The following MINPP1 variants were observed in gnomAD, a reference collection of about 807,000 sequenced individuals.
The protein encoded by MINPP1 is multiple inositol polyphosphate phosphatase 1.
A neutral mutation model predicts 46.1 loss-of-function variants in MINPP1; 28 were observed. The ratio of observed to expected loss-of-function variants is 0.61; its 90% confidence interval spans 0.45 to 0.83. The LOEUF (loss-of-function observed/expected upper bound fraction) is 0.83, where lower values mean the gene tolerates loss of function less well. Ranked by LOEUF, MINPP1 falls within the 40% of genes least tolerant of loss-of-function variation. MINPP1 has a pLI of 0.00. For missense variants in MINPP1, 603 were observed against 610.0 expected (o/e 0.99, Z 0.12); for synonymous variants, 268 against 249.1 (o/e 1.08, Z -0.72).
intron 4 of MINPP1, among the ~76,000 whole-genome samples, chr10:87,543,049 T>C (rs2131839042): frequency 6.6e-6 from 1 of 152,284 alleles, no homozygotes; most frequent in East Asian, 1.9e-4. Flanking sequence ...AGGTTCCAGA[T>C]GGAAGTGAGG....
chr10:87,509,264 A>G (rs1398074666), intron 2 of MINPP1, among the ~76,000 whole-genome samples: 1 of 152,082 alleles, frequency 6.6e-6, no homozygotes, highest in Non-Finnish European at 1.5e-5. Flanking sequence ...AGATTACATT[A>G]TACTCTGAAT....
At chr10:87,512,916 T>C (rs1851356289) in intron 2 of MINPP1, among the ~76,000 whole-genome samples, 1 of 152,204 alleles carries the variant, frequency 6.6e-6, no homozygotes, top group African/African-American at 2.4e-5. Context: ...CATGGTTTCT[T>C]CCTGATAGTT....
At chr10:87,528,011 T>G (rs1308793402) in intron 4 of MINPP1, among the ~76,000 whole-genome samples, 1 of 152,238 alleles carries the variant, frequency 6.6e-6, no homozygotes, top group Non-Finnish European at 1.5e-5. Flanking sequence ...GTTTATACTA[T>G]TCTCTGATGA....
rs1391211782 is a variant in MINPP1 at position 87,515,504 on chromosome 10, G to GA, written c.933+2286dup. 2.0e-5 allele frequency among the ~76,000 whole-genome samples: 3 copies of GA among 152,116 alleles called. No individual in the cohort carries two copies. In the East Asian group the frequency reaches 5.8e-4, roughly 29 times the overall value. On this transcript the variant is annotated intron_variant, in intron 3 of 4. Transcript: ENST00000371996. ...AATAGTTTCTTTTTACATGTGAAAA[G>GA]AAATTAAATTCTTCTTTTAAAAATT... is the stretch of plus-strand genomic sequence containing the variant.
At position 87,552,640 on chromosome 10, in the gene MINPP1, A is replaced by C; in HGVS notation, c.*162A>C. The C allele has an allele frequency of 1.4e-6, 1 of 703,708 alleles. No homozygotes were observed. The highest frequency in any genetic ancestry group is 2.3e-6 in the Non-Finnish European group (1 of 432,226). 43.6% of individuals were successfully genotyped at this position (703,708 alleles called of 1,614,324 possible). On this transcript the variant is annotated 3_prime_UTR_variant, in exon 5 of 5. Transcript: ENST00000371996. ...GTTTCTCTCTGGGTTTGGACATGAA[A>C]TGTAAGAAAAGATTTTTCACTGGAG...
At chr10:87,532,277 C>T (rs1050024978) in intron 4 of MINPP1, among the ~76,000 whole-genome samples, 1 of 152,216 alleles carries the variant, frequency 6.6e-6, no homozygotes, top group African/African-American at 2.4e-5. Context: ...AAGGAAAATT[C>T]ATTCAACAAA....
chr10:87,520,435 A>G (rs899446273), intron 3 of MINPP1, among the ~76,000 whole-genome samples: 1 of 152,114 alleles, frequency 6.6e-6, no homozygotes, highest in South Asian at 2.1e-4. Context: ...TAGAATGTCT[A>G]TACCAATATA....
chr10:87,536,476 A>G (rs1014726860), intron 4 of MINPP1, among the ~76,000 whole-genome samples: 1 of 142,346 alleles, frequency 7.0e-6, no homozygotes, highest in African/African-American at 3.0e-5. Flanking sequence ...CAGTTTTTAC[A>G]TATATATATA....
At chr10:87,511,169 A>G (rs1452799635) in intron 2 of MINPP1, among the ~76,000 whole-genome samples, 3 of 152,040 alleles carry the variant, frequency 2.0e-5, no homozygotes, top group African/African-American at 7.2e-5. Flanking sequence ...TGTATTATGG[A>G]TATATTAATT....
At position 87,552,702 on chromosome 10, in the gene MINPP1, A is replaced by G. The variant is rs1217486326; in HGVS notation, c.*224A>G. 2 of 523,022 alleles carry G rather than the reference A, an allele frequency of 3.8e-6. No homozygotes were observed. Among genetic ancestry groups the G allele is most frequent in the African/African-American group, 3.8e-5 (2 of 52,130 alleles). The allele number at this position is 523,022 out of a possible 1,614,324, so 32.4% of individuals were successfully genotyped here. Reference sequence around the variant, plus strand: ...AGGAGAAACAAATCTATTTAGAGAAACAGCTGGCCCTGCAAATGTTTACAG... The same window carrying G: ...AGGAGAAACAAATCTATTTAGAGAAGCAGCTGGCCCTGCAAATGTTTACAG... On this transcript the variant is annotated 3_prime_UTR_variant, in exon 5 of 5. Transcript: ENST00000371996.
intron 4 of MINPP1, among the ~76,000 whole-genome samples, chr10:87,522,968 C>T (rs1321089720): frequency 1.3e-5 from 2 of 152,162 alleles, no homozygotes; most frequent in African/African-American, 2.4e-5. Context: ...CTTCACCAGG[C>T]GTAGATTTCA....
At position 87,509,754 on chromosome 10, in the gene MINPP1, G is replaced by A. The variant is rs528629242; in HGVS notation, c.835+1221G>A. The A allele has an allele frequency of 1.4e-4, 43 of 310,718 alleles. 1 individual carries two copies. The highest frequency in any genetic ancestry group is 1.2e-3 in the South Asian group (43 of 36,742). The allele number at this position is 310,718 out of a possible 1,614,324, so 19.2% of individuals were successfully genotyped here. Reference sequence around the variant, plus strand: ...AAGAGTGGTATCAAAGTTTATACCAGTCCAAAATTCTATTTTTATGCAACT... The same window carrying A: ...AAGAGTGGTATCAAAGTTTATACCAATCCAAAATTCTATTTTTATGCAACT... On this transcript the variant is annotated intron_variant, in intron 2 of 4. Transcript: ENST00000371996.
At chr10:87,525,830 T>G (rs1231826304) in intron 4 of MINPP1, among the ~76,000 whole-genome samples, 5 of 152,236 alleles carry the variant, frequency 3.3e-5, no homozygotes, top group Admixed American at 3.3e-4. Context: ...CTTGCGATAG[T>G]TTGCTCAGAA....
At chr10:87,541,913 A>G (rs1018701315) in intron 4 of MINPP1, among the ~76,000 whole-genome samples, 10 of 152,162 alleles carry the variant, frequency 6.6e-5, no homozygotes, top group African/African-American at 2.4e-4. Context: ...CCTACCTCCA[A>G]TGTTGGGAAT....
chr10:87,548,301 T>C (rs1851916186), intron 4 of MINPP1, among the ~76,000 whole-genome samples: 1 of 152,190 alleles, frequency 6.6e-6, no homozygotes, highest in Non-Finnish European at 1.5e-5. Flanking sequence ...GTGTTTTTGT[T>C]CTTTTATCCC....
At position 87,521,023 on chromosome 10, in the gene MINPP1, T is replaced by G. The variant is rs928252969; in HGVS notation, c.934-13T>G. ...TTGAAAATATATTAGAAATTATTTTTGAATTTTTTTAGGTATTAGAATATT... is the reference window on the plus strand; with the variant it reads ...TTGAAAATATATTAGAAATTATTTTGGAATTTTTTTAGGTATTAGAATATT... On this transcript the variant is annotated splice_polypyrimidine_tract_variant and intron_variant, in intron 3 of 4. Coordinates refer to ENST00000371996, the MANE Select transcript of MINPP1 (RefSeq NM_004897.5). 2.2e-6 allele frequency: 2 copies of G among 901,738 alleles called. No individual in the cohort carries two copies. Among genetic ancestry groups the G allele is most frequent in the Non-Finnish European group, 3.5e-6 (2 of 563,832 alleles). The allele number at this position is 901,738 out of a possible 1,614,324, so 55.9% of individuals were successfully genotyped here. A position where few individuals can be genotyped will look rare whatever the true frequency, so the allele number is the denominator to read the frequency against.
intron 4 of MINPP1, among the ~76,000 whole-genome samples, chr10:87,538,441 A>T (rs1246444803): frequency 1.3e-5 from 2 of 152,158 alleles, no homozygotes; most frequent in African/African-American, 4.8e-5. Context: ...GAGTGTCTGA[A>T]ACTTTGTATG....
intron 4 of MINPP1, among the ~76,000 whole-genome samples, chr10:87,539,534 A>C (rs1013111870): frequency 1.3e-5 from 2 of 152,190 alleles, no homozygotes; most frequent in Admixed American, 6.5e-5. Context: ...AGACATTTTA[A>C]ATATAGTATT....
At chr10:87,526,737 G>A (rs1442726517) in intron 4 of MINPP1, among the ~76,000 whole-genome samples, 2 of 152,162 alleles carry the variant, frequency 1.3e-5, no homozygotes, top group Non-Finnish European at 2.9e-5. Context: ...GTGTGAGGAA[G>A]GGATCCAGTT....
Sources: gnomAD v4.1 joint callset for allele counts (sites outside exome capture counted in the v4.1 genomes callset) on GRCh38, gnomAD v4.1.1 for gene constraint, MANE v1.5 for transcripts, NCBI Gene and HGNC (gene_info 2026-07-23, HGNC 2026-07-21) for gene names.